Variants in CD109 observed in about 807,000 individuals in gnomAD.
CD109 encodes the protein CD109 molecule.
CD109 carries 149 observed loss-of-function variants against 165.8 expected under a neutral mutation model. That is an observed-to-expected ratio of 0.90 (90% CI 0.79 to 1.03). The LOEUF is 1.03. Ranked by LOEUF, CD109 falls within the 50% of genes least tolerant of loss-of-function variation. CD109 has a pLI of 0.00. For missense variants in CD109, 1,712 were observed against 1,677.8 expected (o/e 1.02, Z -0.36); for synonymous variants, 585 against 592.1 (o/e 0.99, Z 0.18).
chr6:73,798,584 TTTTCCA>T (rs1775253409), intron 23 of CD109, among the ~76,000 whole-genome samples: 1 of 151,958 alleles, frequency 6.6e-6, no homozygotes, highest in Non-Finnish European at 1.5e-5. Context: ...TCTCCCTTAC[TTTTCCA>T]TGGGAGCAGA....
At chr6:73,681,523 C>T in the CD109 span, among the ~76,000 whole-genome samples, 14 of 151,714 alleles carry the variant, frequency 9.2e-5, no homozygotes, top group East Asian at 3.9e-4. Context: ...CTCACAATCA[C>T]GGTGGAAGGC....
At chr6:73,747,165 G>A (rs185671923) in intron 5 of CD109, among the ~76,000 whole-genome samples, 1 of 152,266 alleles carries the variant, frequency 6.6e-6, no homozygotes, top group Non-Finnish European at 1.5e-5. Flanking sequence ...TTGCAGTGTT[G>A]ACAGTCTCTT....
In CD109 at chr6:73,776,860, C is replaced by A. The variant is rs763239426; in HGVS notation, c.1828-3564C>A. On this transcript the variant is annotated intron_variant, in intron 15 of 32. Transcript: ENST00000287097. ...ATGTGAGCACTGTGCCTGGTGGCCT[C>A]CTTATGGTTCTGATTTGCATTTCTC... Among the ~76,000 whole-genome samples, 8 of 150,234 alleles carry A rather than the reference C, an allele frequency of 5.3e-5. 1 individual carries two copies. Among genetic ancestry groups the A allele is most frequent in the Admixed American group, 2.6e-4 (4 of 15,102 alleles).
intron 2 of CD109, among the ~76,000 whole-genome samples, chr6:73,706,981 G>A (rs1252654042): frequency 6.6e-6 from 1 of 152,218 alleles, no homozygotes; most frequent in Non-Finnish European, 1.5e-5. Context: ...AATTTATTCA[G>A]CACCAAATTG....
chr6:73,730,273 C>T, intron 3 of CD109, 71 bp from the exon 4 acceptor site: 1 of 980,894 alleles, frequency 1.0e-6, no homozygotes, highest in Non-Finnish European at 1.6e-6. Context: ...TTTTTTTATT[C>T]TAACTTGCAA....
At chr6:73,786,987 G>A (rs1774719324) in intron 20 of CD109, among the ~76,000 whole-genome samples, 1 of 151,792 alleles carries the variant, frequency 6.6e-6, no homozygotes, top group Admixed American at 6.6e-5. Context: ...TTTAAAGTTA[G>A]TGGGAGGACT....
At chr6:73,758,267 G>C (rs1773474551) in intron 6 of CD109, among the ~76,000 whole-genome samples, 1 of 151,816 alleles carries the variant, frequency 6.6e-6, no homozygotes, top group Non-Finnish European at 1.5e-5. Flanking sequence ...CTGTTTCTTT[G>C]GTCAGAGAAC....
rs928646820 is a variant in CD109 at position 73,827,340 on chromosome 6, C to T, written c.*3707C>T. ...CTCATTCATAGATGAGTTTCAGAAC[C>T]TTTTACGTTCTCGGTAGAGGCTTCT... On this transcript the variant is annotated 3_prime_UTR_variant, in exon 33 of 33. Coordinates refer to ENST00000287097, the MANE Select transcript of CD109 (RefSeq NM_133493.5). 3 of 151,252 alleles carry T rather than the reference C, an allele frequency of 2.0e-5. No homozygotes were observed. Among genetic ancestry groups the T allele is most frequent in the African/African-American group, 7.3e-5 (3 of 41,166 alleles). The allele number at this position is 151,252 out of a possible 1,614,324, so 9.4% of individuals were successfully genotyped here. A position where few individuals can be genotyped will look rare whatever the true frequency, so the allele number is the denominator to read the frequency against.
At chr6:73,702,401 C>T (rs1771117496) in intron 2 of CD109, among the ~76,000 whole-genome samples, 1 of 152,156 alleles carries the variant, frequency 6.6e-6, no homozygotes, top group Non-Finnish European at 1.5e-5. Flanking sequence ...AAATCAGTCC[C>T]ATGGTCTTTA....
chr6:73,706,439 T>G (rs1248519861), intron 2 of CD109, among the ~76,000 whole-genome samples: 1 of 152,156 alleles, frequency 6.6e-6, no homozygotes, highest in Non-Finnish European at 1.5e-5. Context: ...CAGTTGAAGC[T>G]CGAGAGGACT....
At chr6:73,698,461 A>G (rs1337358525) in intron 2 of CD109, among the ~76,000 whole-genome samples, 3 of 152,136 alleles carry the variant, frequency 2.0e-5, no homozygotes, top group Admixed American at 1.3e-4. Context: ...CTGGGATTAC[A>G]GTCCTAAGCT....
intron 20 of CD109, among the ~76,000 whole-genome samples, chr6:73,785,872 T>C (rs1265045073): frequency 3.3e-5 from 5 of 149,840 alleles, no homozygotes; most frequent in African/African-American, 1.2e-4. Context: ...TGAGACATGG[T>C]CTTGCTCTGT....
chr6:73,697,653 G>C (rs1770902679), intron 2 of CD109, 81 bp downstream of exon 2: 2 of 1,287,374 alleles, frequency 1.6e-6, no homozygotes, highest in Admixed American at 4.5e-5. Context: ...AGGTAGTATA[G>C]CAGAGAAACC....
Position 73,810,034 on chromosome 6 carries a change from C to A in CD109, c.3406C>A (p.Gln1136Lys). ...AGAGTCCAAACTTTCTGACTCCTGG[C>A]AGCCACGCTCCCTGGATATTGAAGT... The part of the protein sequence containing the change: ...SSESKLSDSW[Q>K]PRSLDIEVAA... The change falls in exon 27 of 33, where the codon CAG (glutamine) becomes AAG (lysine). Residue 1136 changes from glutamine to lysine, a missense_variant. Physicochemically the swap from Gln to Lys is moderately conservative, Grantham distance 53. Transcript: ENST00000287097. 8.1e-6 allele frequency: 13 copies of A among 1,605,434 alleles called. No homozygotes were observed. Among genetic ancestry groups the A allele is most frequent in the Non-Finnish European group, 1.1e-5 (13 of 1,177,182 alleles).
chr6:73,821,125 A>T (rs1776093854), intron 32 of CD109, among the ~76,000 whole-genome samples: 1 of 152,134 alleles, frequency 6.6e-6, no homozygotes, highest in Non-Finnish European at 1.5e-5. Context: ...ACTTGGACAC[A>T]GAGAGGGGAT....
At chr6:73,802,365 T>G (rs1431121806) in intron 23 of CD109, among the ~76,000 whole-genome samples, 1 of 146,674 alleles carries the variant, frequency 6.8e-6, no homozygotes, top group African/African-American at 2.5e-5. Context: ...GCAGGCAAGT[T>G]GGTTTTTTGG....
chr6:73,696,235 T>A lies in CD109; in HGVS notation c.20T>A (p.Leu7Gln). The A allele has an allele frequency of 6.5e-7, 1 of 1,544,562 alleles. No individual in the cohort carries two copies. Among genetic ancestry groups the A allele is most frequent in the Non-Finnish European group, 8.7e-7 (1 of 1,149,582 alleles). Residue 7 changes from leucine (L) to glutamine (Q), a missense_variant, in exon 1 of 33, where the codon CTG becomes CAG. Transcript: ENST00000287097. ...GTCGAGATGCAGGGCCCACCGCTCC[T>A]GACCGCCGCCCACCTCCTCTGCGTG... MQGPPLLTAAHLLCVCT... is the reference protein window; with the variant it reads MQGPPLQTAAHLLCVCT...
chr6:73,680,951 G>A, the CD109 span, among the ~76,000 whole-genome samples: 1 of 152,090 alleles, frequency 6.6e-6, no homozygotes, highest in African/African-American at 2.4e-5. Context: ...CCTTATCCAG[G>A]ATTACCATAC....
the CD109 span, among the ~76,000 whole-genome samples, chr6:73,684,852 G>A: frequency 6.6e-6 from 1 of 150,828 alleles, no homozygotes; most frequent in African/African-American, 2.4e-5. Flanking sequence ...AGTCTTTTTA[G>A]TTTTATTTTT....
Sources: gnomAD v4.1 joint callset for allele counts (sites outside exome capture counted in the v4.1 genomes callset) on GRCh38, gnomAD v4.1.1 for gene constraint, MANE v1.5 for transcripts, NCBI Gene and HGNC (gene_info 2026-07-23, HGNC 2026-07-21) for gene names.